Variants in FSTL5 observed in about 807,000 individuals in gnomAD.
FSTL5 encodes the protein follistatin-related protein 5.
In FSTL5, 62 loss-of-function variants were observed where a neutral mutation model predicts 89.1. That is an observed-to-expected ratio of 0.70 (90% CI 0.57 to 0.86). The LOEUF (loss-of-function observed/expected upper bound fraction) is 0.86. FSTL5 is among the 40% of genes least tolerant of loss of function. The probability of loss-of-function intolerance (pLI) is 0.00; values close to 1 mark genes in which losing one functional copy is unlikely to be tolerated. For missense variants in FSTL5, 1,057 were observed against 1,001.6 expected (o/e 1.06, Z -0.75); for synonymous variants, 383 against 346.2 (o/e 1.11, Z -1.18).
intron 10 of FSTL5, among the ~76,000 whole-genome samples, chr4:161,532,988 C>A (rs971989350): frequency 6.7e-6 from 1 of 150,356 alleles, no homozygotes; most frequent in Non-Finnish European, 1.5e-5. Context: ...CTTGAGTGAA[C>A]AATAACATTA....
At chr4:161,413,274 AAAAAAAAAATAAAG>A (rs761213672) in intron 15 of FSTL5, among the ~76,000 whole-genome samples, 1 of 21,428 alleles carries the variant, frequency 4.7e-5, no homozygotes. Context: ...AAAAAAAAAA[AAAAAAAAAATAAAG>A]ACACACAAGT....
chr4:162,025,066 T>C (rs1023614807), intron 3 of FSTL5, among the ~76,000 whole-genome samples: 1 of 152,080 alleles, frequency 6.6e-6, no homozygotes, highest in African/African-American at 2.4e-5. Flanking sequence ...GTCAAAGTAC[T>C]GTCTACTGTA....
intron 6 of FSTL5, among the ~76,000 whole-genome samples, chr4:161,726,859 T>C (rs1451990622): frequency 6.6e-6 from 1 of 150,404 alleles, no homozygotes; most frequent in African/African-American, 2.4e-5. Context: ...GATTCTAACC[T>C]GTCAAGAGTC....
intron 7 of FSTL5, among the ~76,000 whole-genome samples, chr4:161,598,663 C>T (rs560466946): frequency 2.6e-5 from 4 of 152,092 alleles, no homozygotes; most frequent in Non-Finnish European, 2.9e-5. Flanking sequence ...AGTATATATA[C>T]GATACCTAGA....
At chr4:161,454,839 AGT>A (rs1313661933) in intron 15 of FSTL5, among the ~76,000 whole-genome samples, 163 bp downstream of exon 15, 1 of 152,238 alleles carries the variant, frequency 6.6e-6, no homozygotes, top group Non-Finnish European at 1.5e-5. Flanking sequence ...ATTCATCACT[AGT>A]GTTGATAAAC....
chr4:162,039,320 C>T (rs997869064), intron 2 of FSTL5, among the ~76,000 whole-genome samples: 2 of 151,502 alleles, frequency 1.3e-5, no homozygotes, highest in African/African-American at 4.8e-5. Context: ...TGTTGTTTTT[C>T]CTGATCCCCA....
intron 6 of FSTL5, among the ~76,000 whole-genome samples, chr4:161,673,737 C>T (rs1162241285): frequency 2.0e-5 from 3 of 151,776 alleles, no homozygotes; most frequent in African/African-American, 7.3e-5. Flanking sequence ...ATATGAAGTA[C>T]ATAATTTATT....
At chr4:161,606,494 T>A (rs1207986432) in intron 7 of FSTL5, among the ~76,000 whole-genome samples, 1 of 152,000 alleles carries the variant, frequency 6.6e-6, no homozygotes, top group Non-Finnish European at 1.5e-5. Flanking sequence ...CCTCCCAAAG[T>A]GCTGGGATTA....
chr4:161,662,769 C>T (rs150925146), intron 6 of FSTL5, among the ~76,000 whole-genome samples: 1 of 152,098 alleles, frequency 6.6e-6, no homozygotes, highest in Admixed American at 6.5e-5. Context: ...AAATTTCAAG[C>T]AAAGCGAACA....
chr4:161,701,360 T>C (rs1290188565), intron 6 of FSTL5, among the ~76,000 whole-genome samples: 1 of 152,166 alleles, frequency 6.6e-6, no homozygotes, highest in Non-Finnish European at 1.5e-5. Flanking sequence ...TGATACTCAC[T>C]GAAATTATTA....
chr4:161,411,635 TCC>T (rs1002571678), intron 15 of FSTL5, among the ~76,000 whole-genome samples: 1 of 152,048 alleles, frequency 6.6e-6, no homozygotes, highest in African/African-American at 2.4e-5. Flanking sequence ...AGATCTAACA[TCC>T]CTTCATGATT....
intron 1 of FSTL5, among the ~76,000 whole-genome samples, chr4:162,116,469 G>C (rs1731641012): frequency 1.3e-5 from 2 of 152,184 alleles, no homozygotes; most frequent in African/African-American, 4.8e-5. Context: ...CTTGAGCTTA[G>C]CTGTGCATGC....
At chr4:162,049,486 A>T (rs13145543) in intron 2 of FSTL5, among the ~76,000 whole-genome samples, 54,255 of 152,020 alleles carry the variant, frequency 0.36, 10,490 homozygotes, top group Non-Finnish European at 0.44. Context: ...TTCACAATAT[A>T]GTTTGTTTGA....
At chr4:161,700,466 T>C (rs1006594975) in intron 6 of FSTL5, among the ~76,000 whole-genome samples, 19 of 152,314 alleles carry the variant, frequency 1.2e-4, no homozygotes, top group Non-Finnish European at 2.1e-4. Context: ...TATATTTTTT[T>C]CTTTTTTCTT....
chr4:161,715,228 A>C (rs918012512), intron 6 of FSTL5, among the ~76,000 whole-genome samples: 5 of 152,276 alleles, frequency 3.3e-5, no homozygotes, highest in Admixed American at 2.0e-4. Flanking sequence ...TAGAAACCAA[A>C]GTGCAGAAAG....
chr4:161,407,350 T>TA (rs1483865755), intron 15 of FSTL5, among the ~76,000 whole-genome samples: 4 of 152,048 alleles, frequency 2.6e-5, no homozygotes, highest in African/African-American at 9.7e-5. Context: ...TACACCAACA[T>TA]AATTTGAACA....
At chr4:161,683,565 C>T (rs1560787871) in intron 6 of FSTL5, among the ~76,000 whole-genome samples, 1 of 151,752 alleles carries the variant, frequency 6.6e-6, no homozygotes, top group Non-Finnish European at 1.5e-5. Flanking sequence ...ATTTAAAAAT[C>T]CTCTATGGAA....
chr4:161,778,023 G>A (rs560218627), intron 4 of FSTL5, among the ~76,000 whole-genome samples: 2 of 152,188 alleles, frequency 1.3e-5, no homozygotes, highest in East Asian at 3.9e-4. Context: ...GAACCCCGGA[G>A]GCAGAGGTTG....
intron 7 of FSTL5, among the ~76,000 whole-genome samples, chr4:161,644,902 A>G (rs1736096075): frequency 6.6e-6 from 1 of 152,202 alleles, no homozygotes; most frequent in African/African-American, 2.4e-5. Context: ...AGATAAATGA[A>G]AAAGTTAAAT....
Sources: allele counts gnomAD v4.1 joint callset (sites outside exome capture counted in the v4.1 genomes callset), GRCh38; gene constraint gnomAD v4.1.1; transcripts MANE v1.5; gene names NCBI Gene and HGNC (gene_info 2026-07-23, HGNC 2026-07-21).